TRPC7: variants seen among roughly 807,000 people sequenced by gnomAD.
The protein encoded by TRPC7 is short transient receptor potential channel 7.
A neutral mutation model predicts 90.1 loss-of-function variants in TRPC7; 42 were observed. The ratio of observed to expected loss-of-function variants is 0.47; its 90% confidence interval spans 0.36 to 0.60. TRPC7 has a LOEUF of 0.60. TRPC7 is among the 20% of genes least tolerant of loss of function. The pLI is 0.00. For synonymous variants in TRPC7, 451 were observed against 436.3 expected (o/e 1.03, Z -0.42); for missense variants, 955 against 1,112.3 (o/e 0.86, Z 2.01).
intron 3 of TRPC7, among the ~76,000 whole-genome samples, chr5:136,301,141 C>T (rs1170881686): frequency 6.6e-6 from 1 of 152,044 alleles, no homozygotes; most frequent in East Asian, 1.9e-4. Context: ...GCAATTCTGC[C>T]TCAGCCTCCC....
chr5:136,333,149 A>G (rs529104965), intron 2 of TRPC7, among the ~76,000 whole-genome samples: 34 of 152,328 alleles, frequency 2.2e-4, no homozygotes, highest in Non-Finnish European at 1.8e-4. Context: ...GCAGTAACTC[A>G]CTGATAAAGG....
Position 136,355,280 on chromosome 5 carries a change from G to A in TRPC7, c.780+1328C>T, listed in dbSNP as rs555693205. 2.6e-5 allele frequency among the ~76,000 whole-genome samples: 4 copies of A among 152,304 alleles called. No individual in the cohort carries two copies. In the East Asian group the frequency reaches 7.7e-4, roughly 29 times the overall value. The stretch of plus-strand genomic sequence containing the variant: ...AAGCTCAATATACAAGCAAGGCTCT[G>A]GCCCTCAGTTTCCTGAAGTGGCCAA... On this transcript the variant is annotated intron_variant, in intron 2 of 11. Coordinates refer to ENST00000513104, the MANE Select transcript of TRPC7 (RefSeq NM_020389.3).
chr5:136,288,832 A>G (rs374714974), intron 3 of TRPC7, among the ~76,000 whole-genome samples: 1 of 152,220 alleles, frequency 6.6e-6, no homozygotes, highest in East Asian at 1.9e-4. Context: ...TTATGGCAGA[A>G]CATGACATAT....
intron 2 of TRPC7, among the ~76,000 whole-genome samples, chr5:136,345,665 T>C (rs1336010559): frequency 6.6e-6 from 1 of 152,208 alleles, no homozygotes; most frequent in African/African-American, 2.4e-5. Flanking sequence ...TTCACTCTGA[T>C]GGTAGTTTCT....
At chr5:136,269,347 C>T (rs1274875844) in intron 4 of TRPC7, among the ~76,000 whole-genome samples, 1 of 152,194 alleles carries the variant, frequency 6.6e-6, no homozygotes, top group Admixed American at 6.5e-5. Flanking sequence ...TGAATTGGCT[C>T]CAAGAAAATT....
chr5:136,257,380 A>G (rs974622079), intron 5 of TRPC7, among the ~76,000 whole-genome samples: 1 of 151,882 alleles, frequency 6.6e-6, no homozygotes. Flanking sequence ...ACGAGGTTTC[A>G]CCATATTGGC....
intron 2 of TRPC7, among the ~76,000 whole-genome samples, chr5:136,337,442 C>T (rs750078298): frequency 2.1e-4 from 32 of 152,072 alleles, no homozygotes; most frequent in African/African-American, 7.2e-4. Context: ...CCAAGGTGGG[C>T]GGATCCTGAG....
chr5:136,321,738 C>A (rs1045578044), intron 2 of TRPC7, among the ~76,000 whole-genome samples: 10 of 152,122 alleles, frequency 6.6e-5, no homozygotes, highest in African/African-American at 2.4e-4. Flanking sequence ...ACTCTTGACT[C>A]ATCTTTCTTG....
chr5:136,222,988 G>T (rs1012465882), intron 10 of TRPC7, among the ~76,000 whole-genome samples: 1 of 152,232 alleles, frequency 6.6e-6, no homozygotes, highest in Non-Finnish European at 1.5e-5. Flanking sequence ...GTGAGCAGAT[G>T]ATGACTCAGG....
chr5:136,288,291 C>A (rs1489986907), intron 3 of TRPC7, among the ~76,000 whole-genome samples: 1 of 152,028 alleles, frequency 6.6e-6, no homozygotes, highest in Non-Finnish European at 1.5e-5. Flanking sequence ...ATGCCTGTTT[C>A]TCCAGTCATT....
intron 3 of TRPC7, among the ~76,000 whole-genome samples, chr5:136,285,580 T>G (rs1757686973): frequency 6.6e-6 from 1 of 152,184 alleles, no homozygotes; most frequent in South Asian, 2.1e-4. Context: ...AAACATTTTT[T>G]TCCAGACCAA....
In TRPC7 at chr5:136,243,318, C is replaced by T. The variant is rs374907657; in HGVS notation, c.1844+4153G>A. On this transcript the variant is annotated intron_variant, in intron 7 of 11. Transcript: ENST00000513104. ...AGACTCCAATTGCCCTTGGATGTGG[C>T]AGGAATGGGGTTGGGGGGAGGTCAA... is the stretch of plus-strand genomic sequence containing the variant. 1.2e-4 allele frequency among the ~76,000 whole-genome samples: 18 copies of T among 149,192 alleles called. No homozygotes were observed. The South Asian group carries it at 3.8e-3, about 32-fold the overall frequency.
In TRPC7 at chr5:136,247,683, G is replaced by T; in HGVS notation, c.1632C>A (p.Tyr544Ter). ...SDPQIISEGL[Y>*]AIAVVLSFSR... ...AGAAGCTCAGCACGACGGCTATCGC[G>T]TAGAGCCCTTCCGATATGATCTGAG... The change falls in exon 7 of 12, where the codon TAC becomes TAA. Residue 544 changes from tyrosine to a stop codon, truncating the protein, a stop_gained. Coordinates refer to ENST00000513104, the MANE Select transcript of TRPC7 (RefSeq NM_020389.3). LOFTEE classifies it high-confidence loss of function. This position sits in a 1 kb window ranked among gnomAD's most constrained non-coding sequence, Gnocchi z 4.2. 1.2e-6 allele frequency: 2 copies of T among 1,613,970 alleles called. No homozygotes were observed. Among genetic ancestry groups the T allele is most frequent in the Non-Finnish European group, 1.7e-6 (2 of 1,179,860 alleles).
rs930603731 is a variant in TRPC7 at position 136,266,317 on chromosome 5, C to G, written c.1248G>C (p.Leu416=). The G allele has an allele frequency of 5.5e-5, 88 of 1,613,772 alleles. No individual in the cohort carries two copies. The highest frequency in any genetic ancestry group is 7.5e-5 in the Non-Finnish European group (88 of 1,179,824). ...GGTAGTCTGTGAAGGTTTCGTTTGGCAGGGTTTTAACACCTTCAAATCGGT... is the reference window on the plus strand; with the variant it reads ...GGTAGTCTGTGAAGGTTTCGTTTGGGAGGGTTTTAACACCTTCAAATCGGT... The part of the protein sequence containing the change: ...ASDRFEGVKT[L]PNETFTDYPK... Residue 416 remains leucine (L), a synonymous_variant, in exon 5 of 12, where the codon CTG becomes CTC. Coordinates refer to ENST00000513104, the MANE Select transcript of TRPC7 (RefSeq NM_020389.3).
chr5:136,258,287 C>T (rs1183914065), intron 5 of TRPC7, among the ~76,000 whole-genome samples: 1 of 152,098 alleles, frequency 6.6e-6, no homozygotes, highest in East Asian at 1.9e-4. Flanking sequence ...GTTTGGGCAG[C>T]AGGAATGCTT....
intron 1 of TRPC7, among the ~76,000 whole-genome samples, chr5:136,361,516 T>C (rs1760569229): frequency 1.3e-5 from 2 of 152,212 alleles, no homozygotes; most frequent in African/African-American, 4.8e-5. Flanking sequence ...TCTTGTGCCC[T>C]AAGTCCAGCT....
chr5:136,343,813 T>A (rs1759920568), intron 2 of TRPC7, among the ~76,000 whole-genome samples: 3 of 152,306 alleles, frequency 2.0e-5, no homozygotes, highest in Middle Eastern at 6.8e-3. Flanking sequence ...ATATTTGCAA[T>A]GTCTGAAATA....
At chr5:136,362,213 T>C (rs1450505134) in intron 1 of TRPC7, among the ~76,000 whole-genome samples, 1 of 152,204 alleles carries the variant, frequency 6.6e-6, no homozygotes, top group Non-Finnish European at 1.5e-5. Flanking sequence ...CTGATAAGGT[T>C]AGCTATTTTC....
At chr5:136,265,927 A>G (rs1178349382) in intron 5 of TRPC7, among the ~76,000 whole-genome samples, 1 of 152,178 alleles carries the variant, frequency 6.6e-6, no homozygotes, top group African/African-American at 2.4e-5. Context: ...TCAAAATAAT[A>G]TGTTTCCCCA....
Sources: gnomAD v4.1 joint callset for allele counts (sites outside exome capture counted in the v4.1 genomes callset) on GRCh38, gnomAD v4.1.1 for gene constraint, Gnocchi (gnomAD v3.1) non-coding constraint, MANE v1.5 for transcripts, NCBI Gene and HGNC (gene_info 2026-07-23, HGNC 2026-07-21) for gene names.